LAMC1: variants seen among roughly 807,000 people sequenced by gnomAD.
LAMC1 encodes laminin subunit gamma 1, also known as laminin subunit gamma-1.
Under a neutral mutation model 173.6 loss-of-function variants are expected in LAMC1, and 38 were observed. The ratio of observed to expected loss-of-function variants is 0.22; its 90% CI spans 0.17 to 0.29. LAMC1 has a LOEUF of 0.29. Among genes scored for constraint, LAMC1 ranks in the 10% least tolerant of loss-of-function variants. LAMC1 has a pLI of 1.00. For synonymous variants in LAMC1, 746 were observed against 749.1 expected (o/e 1.00, Z 0.07); for missense variants, 1,824 against 2,051.8 (o/e 0.89, Z 2.14).
At chr1:183,126,982 A>T (rs1036153223) in intron 16 of LAMC1, among the ~76,000 whole-genome samples, 1 of 152,214 alleles carries the variant, frequency 6.6e-6, no homozygotes, top group Admixed American at 6.5e-5. Context: ...TCTAATTGCT[A>T]AGTAACCTGA....
At chr1:183,051,286 C>G (rs1010893309) in intron 1 of LAMC1, among the ~76,000 whole-genome samples, 1 of 152,170 alleles carries the variant, frequency 6.6e-6, no homozygotes, top group African/African-American at 2.4e-5. Flanking sequence ...CCTTTTGGAT[C>G]CTGAACTGCC....
Position 183,038,585 on chromosome 1 carries a change from T to C in LAMC1, c.418+14451T>C, listed in dbSNP as rs1654044581. 3.9e-5 allele frequency among the ~76,000 whole-genome samples: 6 copies of C among 152,266 alleles called. No individual in the cohort carries two copies. The South Asian group carries it at 1.0e-3, about 26-fold the overall frequency. ...GATTTCCAAGAAAAGAGTTTTGCAG[T>C]TTTTAGAAAGAGGGTAGTGACAGCA... On this transcript the variant is annotated intron_variant, in intron 1 of 27. Transcript: ENST00000258341.
At chr1:183,128,367 G>A (rs1465873650) in intron 17 of LAMC1, among the ~76,000 whole-genome samples, 1 of 151,296 alleles carries the variant, frequency 6.6e-6, no homozygotes, top group African/African-American at 2.4e-5. Flanking sequence ...GGAGTGGATA[G>A]AACTACATAT....
intron 1 of LAMC1, among the ~76,000 whole-genome samples, chr1:183,068,610 G>C (rs1275718872): frequency 6.6e-6 from 1 of 152,144 alleles, no homozygotes; most frequent in Non-Finnish European, 1.5e-5. Context: ...CAAGGCAAGA[G>C]GTGTTTCACA....
intron 1 of LAMC1, among the ~76,000 whole-genome samples, chr1:183,047,637 T>C (rs760310999): frequency 1.3e-5 from 2 of 152,220 alleles, no homozygotes; most frequent in Admixed American, 6.5e-5. Context: ...ATGTGTAATT[T>C]GTCTGTAAAC....
At chr1:183,039,260 T>G (rs1020322458) in intron 1 of LAMC1, among the ~76,000 whole-genome samples, 1 of 134,308 alleles carries the variant, frequency 7.4e-6, no homozygotes. Flanking sequence ...AGGATAAAGA[T>G]TGTGGTGGGG....
In LAMC1 at chr1:183,145,400, A is replaced by G. The variant is rs1167474258; in HGVS notation, c.*2610A>G. The G allele has an allele frequency of 6.6e-6, 1 of 152,398 alleles. No homozygotes were observed. Among genetic ancestry groups the G allele is most frequent in the East Asian group, 1.9e-4 (1 of 5,186 alleles). The allele number at this position is 152,398 out of a possible 1,614,324, so 9.4% of individuals were successfully genotyped here. A position where few individuals can be genotyped will look rare whatever the true frequency, so the allele number is the denominator to read the frequency against. On this transcript the variant is annotated 3_prime_UTR_variant, in exon 28 of 28. Coordinates refer to ENST00000258341, the MANE Select transcript of LAMC1 (RefSeq NM_002293.4). ...TTGACACAGGGATTATTATACTGCT[A>G]TTTTTCCCTGAATTTTTTTCCTTTG...
At chr1:183,130,221 T>G in intron 18 of LAMC1, 123 bp from the exon 19 acceptor site, 1 of 807,416 alleles carries the variant, frequency 1.2e-6, no homozygotes, top group Non-Finnish European at 2.0e-6. Context: ...AGGGGCTTTG[T>G]GGAAACCTGG....
intron 1 of LAMC1, among the ~76,000 whole-genome samples, chr1:183,047,595 G>A (rs1654298374): frequency 6.6e-6 from 1 of 152,182 alleles, no homozygotes; most frequent in South Asian, 2.1e-4. Context: ...TGATAGATAT[G>A]AGTCTTTTAA....
chr1:183,103,163 T>TG (rs1024574807), intron 1 of LAMC1, among the ~76,000 whole-genome samples, 165 bp from the exon 2 acceptor site: 8 of 152,172 alleles, frequency 5.3e-5, no homozygotes, highest in African/African-American at 1.9e-4. Context: ...TTTGTCATTT[T>TG]GGGGGAAAAT....
At chr1:183,047,473 C>CT (rs1294495421) in intron 1 of LAMC1, among the ~76,000 whole-genome samples, 4 of 152,182 alleles carry the variant, frequency 2.6e-5, no homozygotes, top group African/African-American at 9.7e-5. Context: ...TCAAAACTGT[C>CT]TAACGCCCTC....
intron 1 of LAMC1, among the ~76,000 whole-genome samples, chr1:183,047,407 T>C (rs1047483307): frequency 1.3e-5 from 2 of 152,232 alleles, no homozygotes; most frequent in Non-Finnish European, 1.5e-5. Context: ...TCAGTCTTTA[T>C]ATTTTTATAT....
chr1:183,066,875 A>T (rs951699597), intron 1 of LAMC1, among the ~76,000 whole-genome samples: 1 of 152,174 alleles, frequency 6.6e-6, no homozygotes, highest in East Asian at 1.9e-4. Context: ...TGATGGGTTA[A>T]TGGGTGCAGC....
At position 183,116,667 on chromosome 1, in the gene LAMC1, T is replaced by C; in HGVS notation, c.1419T>C (p.Asn473=). 6.2e-7 allele frequency: 1 copy of C among 1,612,826 alleles called. No homozygotes were observed. Among genetic ancestry groups the C allele is most frequent in the Non-Finnish European group, 8.5e-7 (1 of 1,178,840 alleles). ...GCAAAGACAATGTCGAAGGCTTCAA[T>C]TGTGAAAGGTAGTGCATTCTTTCTC... ...CVCKDNVEGF[N]CERCKPGFFN... Residue 473 remains asparagine (N), a synonymous_variant, in exon 7 of 28, where the codon AAT becomes AAC. Coordinates refer to ENST00000258341, the MANE Select transcript of LAMC1 (RefSeq NM_002293.4).
At chr1:183,139,532 A>G (rs1240765874) in intron 26 of LAMC1, among the ~76,000 whole-genome samples, 1 of 152,180 alleles carries the variant, frequency 6.6e-6, no homozygotes, top group Non-Finnish European at 1.5e-5. Flanking sequence ...ACAGAGATTA[A>G]TCATTTATTT....
intron 1 of LAMC1, among the ~76,000 whole-genome samples, chr1:183,072,902 G>C (rs1056481401): frequency 1.3e-5 from 2 of 152,230 alleles, no homozygotes; most frequent in South Asian, 4.1e-4. Flanking sequence ...ATTGCCCCCA[G>C]ATGGGGCCGT....
rs55951405 is a variant in LAMC1 at position 183,131,428 on chromosome 1, GGTGTGTGTGTGT to G, written c.3566+71_3566+82del. The G allele has an allele frequency of 4.1e-5, 39 of 951,824 alleles. 1 individual carries two copies. The highest frequency in any genetic ancestry group is 5.8e-5 in the Non-Finnish European group (36 of 618,596). The allele number at this position is 951,824 out of a possible 1,614,324, so 59.0% of individuals were successfully genotyped here. ...GGTTAAGTTGTGGCTTCTGTTATGG[GGTGTGTGTGTGT>G]GTGTGTGTGTGTGTGTGTGTATTGT... is the stretch of plus-strand genomic sequence containing the variant. On this transcript the variant is annotated intron_variant, in intron 20 of 27. Coordinates refer to ENST00000258341, the MANE Select transcript of LAMC1 (RefSeq NM_002293.4).
At chr1:183,124,060 A>G (rs1414025837) in intron 13 of LAMC1, among the ~76,000 whole-genome samples, 1 of 152,144 alleles carries the variant, frequency 6.6e-6, no homozygotes, top group Non-Finnish European at 1.5e-5. Flanking sequence ...CAAATTACTT[A>G]TCCTCTCTGT....
Position 183,024,046 on chromosome 1 carries a change from C to T in LAMC1, c.330C>T (p.Asn110=), listed in dbSNP as rs1653612809. 11 of 1,612,678 alleles carry T rather than the reference C, an allele frequency of 6.8e-6. No homozygotes were observed. The highest frequency in any genetic ancestry group is 7.6e-6 in the Non-Finnish European group (9 of 1,179,634). The change falls in exon 1 of 28, where the codon AAC becomes AAT. Residue 110 remains asparagine (N), a synonymous_variant. Transcript: ENST00000258341. ...GGGCAGCCTTCCTGACCGACTACAA[C>T]AACCAGGCCGACACCACCTGGTGGC... ...QHGAAFLTDY[N]NQADTTWWQS...
Sources: allele counts gnomAD v4.1 joint callset (sites outside exome capture counted in the v4.1 genomes callset), GRCh38; gene constraint gnomAD v4.1.1; transcripts MANE v1.5; gene names NCBI Gene and HGNC (gene_info 2026-07-23, HGNC 2026-07-21).